The following VPS13B variants were observed in gnomAD, a reference collection of about 807,000 sequenced individuals.
VPS13B encodes the protein intermembrane lipid transfer protein VPS13B.
Under a neutral mutation model 426.4 loss-of-function variants are expected in VPS13B, and 285 were observed. The ratio of observed to expected loss-of-function variants is 0.67; its 90% CI spans 0.61 to 0.74. The LOEUF is 0.74. Among genes scored for constraint, VPS13B ranks in the 30% least tolerant of loss-of-function variants. The probability of loss-of-function intolerance (pLI) is 0.00; values close to 1 mark genes in which losing one functional copy is unlikely to be tolerated. For missense variants in VPS13B, 4,537 were observed against 4,782.6 expected, an observed-to-expected ratio of 0.95 and a Z score of 1.51; for synonymous variants, 1,676 against 1,676.4, an observed-to-expected ratio of 1.00 and a Z score of 0.01.
chr8:99,121,660 T>C (rs1847941235), intron 8 of VPS13B: 3 of 1,276,534 alleles, frequency 2.4e-6, no homozygotes, highest in Non-Finnish European at 3.0e-6. Flanking sequence ...TCCACATTTC[T>C]TTTTTATTAG....
intron 5 of VPS13B, among the ~76,000 whole-genome samples, chr8:99,109,765 T>G (rs944905510): frequency 5.9e-5 from 9 of 152,198 alleles, no homozygotes; most frequent in African/African-American, 1.7e-4. Flanking sequence ...GCTCTGATCT[T>G]TATAAACTGT....
rs2130972411 is a variant in VPS13B at position 99,870,811 on chromosome 8, C to T, written c.11419C>T (p.Gln3807Ter). The T allele has an allele frequency of 6.2e-7, 1 of 1,614,186 alleles. No individual in the cohort carries two copies. Among genetic ancestry groups the T allele is most frequent in the Non-Finnish European group, 8.5e-7 (1 of 1,180,026 alleles). The change falls in exon 60 of 62, where the codon CAG becomes TAG. Residue 3807 changes from glutamine (Q) to a stop codon, truncating the protein, a stop_gained. Transcript: ENST00000357162. LOFTEE classifies it high-confidence loss of function. ...TATTTTACATGGAGCTGGACTTTCTCAGCTTCCCAAACAGCGCCATCAGCC... is the reference window on the plus strand; with the variant it reads ...TATTTTACATGGAGCTGGACTTTCTTAGCTTCCCAAACAGCGCCATCAGCC... ...YGILHGAGLSQLPKQRHQPSD... is the reference protein window; with the variant it reads ...YGILHGAGLS
chr8:99,204,804 G>A (rs1333003817), intron 17 of VPS13B, among the ~76,000 whole-genome samples: 1 of 152,218 alleles, frequency 6.6e-6, no homozygotes, highest in Non-Finnish European at 1.5e-5. Context: ...ACCACAGTGA[G>A]ATACCATCTT....
At chr8:99,135,531 G>A (rs936420206) in intron 10 of VPS13B, 65 bp from the exon 11 acceptor site, 3 of 1,569,760 alleles carry the variant, frequency 1.9e-6, no homozygotes, top group African/African-American at 1.4e-5. Flanking sequence ...TAAAATCAAG[G>A]TTTTATTTTG....
At chr8:99,740,266 T>C (rs1052114172) in intron 39 of VPS13B, among the ~76,000 whole-genome samples, 3 of 151,780 alleles carry the variant, frequency 2.0e-5, no homozygotes, top group African/African-American at 7.3e-5. Flanking sequence ...GAAGAGAAGT[T>C]TAGAGAAAAA....
chr8:99,765,907 A>C (rs1249405784), intron 39 of VPS13B, among the ~76,000 whole-genome samples: 1 of 152,014 alleles, frequency 6.6e-6, no homozygotes, highest in Non-Finnish European at 1.5e-5. Context: ...CTTCTCTTAC[A>C]CTTTCACTTC....
At chr8:99,497,827 T>C (rs941688475) in intron 25 of VPS13B, among the ~76,000 whole-genome samples, 2 of 152,152 alleles carry the variant, frequency 1.3e-5, no homozygotes, top group Non-Finnish European at 2.9e-5. Context: ...TAAAATTTCT[T>C]GTAATTGTTT....
intron 55 of VPS13B, 96 bp downstream of exon 55, chr8:99,848,990 T>G: frequency 1.7e-6 from 2 of 1,172,370 alleles, no homozygotes; most frequent in Non-Finnish European, 2.6e-6. Flanking sequence ...ACATAATGTA[T>G]TAAAGCTTTT....
chr8:99,772,324 C>G (rs374068670), intron 40 of VPS13B, among the ~76,000 whole-genome samples: 5 of 151,740 alleles, frequency 3.3e-5, no homozygotes, highest in East Asian at 1.9e-4. Context: ...CTGGTTACAA[C>G]TGGAATTTTT....
chr8:99,024,462 T>A (rs1310414826), intron 2 of VPS13B, among the ~76,000 whole-genome samples: 3 of 152,260 alleles, frequency 2.0e-5, no homozygotes, highest in African/African-American at 7.2e-5. Context: ...TAGTCCATCT[T>A]GAGTTGATTT....
chr8:99,287,246 CTATCTATCTAT>C, intron 19 of VPS13B, among the ~76,000 whole-genome samples: 1 of 149,576 alleles, frequency 6.7e-6, no homozygotes, highest in Non-Finnish European at 1.5e-5. Context: ...ATCTATCTAT[CTATCTATCTAT>C]CTATCTATCT....
chr8:99,852,639 C>T (rs150724002), intron 55 of VPS13B, among the ~76,000 whole-genome samples: 109 of 152,190 alleles, frequency 7.2e-4, no homozygotes, highest in Non-Finnish European at 1.2e-3. Context: ...TCACTGATGA[C>T]GAGTTGTTTT....
intron 2 of VPS13B, among the ~76,000 whole-genome samples, chr8:99,016,554 T>C (rs1841625252): frequency 6.6e-6 from 1 of 150,868 alleles, no homozygotes; most frequent in Non-Finnish European, 1.5e-5. Context: ...TTTTAAAAAT[T>C]GAGTTTTCTG....
intron 39 of VPS13B, among the ~76,000 whole-genome samples, chr8:99,755,101 A>T (rs970039329): frequency 2.0e-5 from 3 of 152,120 alleles, no homozygotes; most frequent in Non-Finnish European, 4.4e-5. Flanking sequence ...CATGCTCATG[A>T]ATAAGACTAT....
intron 33 of VPS13B, among the ~76,000 whole-genome samples, chr8:99,626,958 G>C (rs1193429071): frequency 6.6e-6 from 1 of 152,162 alleles, no homozygotes; most frequent in Non-Finnish European, 1.5e-5. Flanking sequence ...GGAAAATTCT[G>C]TCTTTTGTGA....
At chr8:99,670,915 A>G (rs540212402) in intron 35 of VPS13B, among the ~76,000 whole-genome samples, 1 of 152,206 alleles carries the variant, frequency 6.6e-6, no homozygotes, top group South Asian at 2.1e-4. Context: ...CTACATCTTG[A>G]CTATTATGAA....
At chr8:99,721,425 G>T (rs1163281930) in intron 39 of VPS13B, among the ~76,000 whole-genome samples, 1 of 152,108 alleles carries the variant, frequency 6.6e-6, no homozygotes, top group East Asian at 1.9e-4. Flanking sequence ...CCCATGTAAG[G>T]CTAGAAAGAG....
chr8:99,672,852 AG>A (rs1397338860), intron 35 of VPS13B, among the ~76,000 whole-genome samples: 1 of 152,008 alleles, frequency 6.6e-6, no homozygotes, highest in Non-Finnish European at 1.5e-5. Flanking sequence ...CTTATCACGA[AG>A]GGATTTTGAA....
Position 99,121,428 on chromosome 8 carries a change from G to T in VPS13B, c.1189G>T (p.Ala397Ser), listed in dbSNP as rs763839770. 28 of 1,614,044 alleles carry T rather than the reference G, an allele frequency of 1.7e-5. No homozygotes were observed. Among genetic ancestry groups the T allele is most frequent in the Non-Finnish European group, 2.3e-5 (27 of 1,180,034 alleles). ...TTCTATAGGATTTTATTGCACAAAG[G>T]CAACGGTGACTTTCAAAGTAGGTCT... ...IVSIGFYCTKATVTFKLTEMQ... is the reference protein window; with the variant it reads ...IVSIGFYCTKSTVTFKLTEMQ... The change falls in exon 8 of 62, where the codon GCA (alanine) becomes TCA (serine). Residue 397 changes from alanine (A) to serine (S), a missense_variant. Transcript: ENST00000357162.
Sources: allele counts gnomAD v4.1 joint callset (sites outside exome capture counted in the v4.1 genomes callset), GRCh38; gene constraint gnomAD v4.1.1; transcripts MANE v1.5; gene names NCBI Gene and HGNC (gene_info 2026-07-23, HGNC 2026-07-21).